The following UNC13C variants were observed in gnomAD, a reference collection of about 807,000 sequenced individuals.
The protein encoded by UNC13C is unc-13 homolog C.
A neutral mutation model predicts 245.4 loss-of-function variants in UNC13C; 174 were observed. The observed-to-expected ratio is 0.71, with a 90% confidence interval of 0.63 to 0.80. The LOEUF (loss-of-function observed/expected upper bound fraction) is 0.80. Among genes scored for constraint, UNC13C ranks in the 30% least tolerant of loss-of-function variants. The pLI, the probability that UNC13C is intolerant of heterozygous loss-of-function variation, is 0.00. For synonymous variants in UNC13C, 992 were observed against 895.1 expected (o/e 1.11, Z -1.93); for missense variants, 2,829 against 2,602.9 (o/e 1.09, Z -1.89).
intron 19 of UNC13C, among the ~76,000 whole-genome samples, chr15:54,435,509 T>C (rs1354321934): frequency 6.7e-6 from 1 of 148,338 alleles, no homozygotes; most frequent in South Asian, 2.1e-4. Context: ...TTCTCACTCA[T>C]AAGTGGGAGT....
chr15:53,936,965 G>C, the UNC13C span, among the ~76,000 whole-genome samples: 1 of 152,200 alleles, frequency 6.6e-6, no homozygotes, highest in African/African-American at 2.4e-5. Flanking sequence ...AAAAGCCATA[G>C]TGCCTCTTCT....
chr15:54,205,583 G>T (rs763591824), intron 4 of UNC13C, among the ~76,000 whole-genome samples: 6 of 151,902 alleles, frequency 3.9e-5, no homozygotes, highest in Admixed American at 6.6e-5. Context: ...ATCGATGATG[G>T]GTCAAATCCT....
At position 54,155,096 on chromosome 15, in the gene UNC13C, T is replaced by C. The variant is rs939821057; in HGVS notation, c.3071+11412T>C. Among the ~76,000 whole-genome samples, 14 of 152,166 alleles carry C rather than the reference T, an allele frequency of 9.2e-5. 1 individual carries two copies. Among genetic ancestry groups the C allele is most frequent in the Non-Finnish European group, 4.4e-5 (3 of 68,016 alleles). Reference sequence around the variant, plus strand: ...ATATAGTACCTGTATCAGTTAGACATTGCCATGTAACAAACCACTCCAAAA... The same window carrying C: ...ATATAGTACCTGTATCAGTTAGACACTGCCATGTAACAAACCACTCCAAAA... On this transcript the variant is annotated intron_variant, in intron 4 of 32. Coordinates refer to ENST00000260323, the MANE Select transcript of UNC13C (RefSeq NM_001080534.3).
At chr15:54,294,671 C>T (rs1248721714) in intron 11 of UNC13C, among the ~76,000 whole-genome samples, 1 of 152,064 alleles carries the variant, frequency 6.6e-6, no homozygotes, top group African/African-American at 2.4e-5. Context: ...ATAGAATTTT[C>T]TGTGGTGATT....
chr15:54,336,182 G>C (rs34860293), intron 16 of UNC13C, among the ~76,000 whole-genome samples: 1 of 151,726 alleles, frequency 6.6e-6, no homozygotes, highest in African/African-American at 2.4e-5. Flanking sequence ...AGATAAAATT[G>C]TATGTATTTA....
At chr15:53,931,515 G>T in the UNC13C span, among the ~76,000 whole-genome samples, 31 of 151,914 alleles carry the variant, frequency 2.0e-4, no homozygotes, top group African/African-American at 7.2e-4. Flanking sequence ...GGTGGGTGGG[G>T]TGTATGCATA....
chr15:54,389,811 C>T (rs6493679), intron 17 of UNC13C, among the ~76,000 whole-genome samples: 29,726 of 151,888 alleles, frequency 0.2, 3,098 homozygotes, highest in Middle Eastern at 0.26. Context: ...TCACTGCAAC[C>T]GCCACCTCTC....
intron 4 of UNC13C, among the ~76,000 whole-genome samples, chr15:54,157,294 T>C (rs1488635050): frequency 1.3e-5 from 2 of 152,230 alleles, no homozygotes; most frequent in Non-Finnish European, 2.9e-5. Context: ...CTTGACTCTA[T>C]TGCTTAGTAG....
the UNC13C span, among the ~76,000 whole-genome samples, chr15:53,873,460 G>A: frequency 6.6e-6 from 1 of 152,182 alleles, no homozygotes; most frequent in African/African-American, 2.4e-5. Flanking sequence ...TCATGGAGCA[G>A]CTTTGCCTTG....
At chr15:53,996,790 T>C (rs562622857) in intron 1 of UNC13C, among the ~76,000 whole-genome samples, 1 of 152,076 alleles carries the variant, frequency 6.6e-6, no homozygotes, top group African/African-American at 2.4e-5. Flanking sequence ...AGTGGTTCAT[T>C]ATTCAAATAT....
chr15:53,874,017 C>T, the UNC13C span, among the ~76,000 whole-genome samples: 1 of 150,236 alleles, frequency 6.7e-6, no homozygotes, highest in Non-Finnish European at 1.5e-5. Flanking sequence ...TACTCTGTTG[C>T]TCAGGCTGGA....
chr15:54,551,285 T>A (rs1896725591), intron 28 of UNC13C, among the ~76,000 whole-genome samples: 1 of 152,094 alleles, frequency 6.6e-6, no homozygotes, highest in South Asian at 2.1e-4. Context: ...TCAAATCTTG[T>A]AGAGAAAAAC....
At chr15:54,428,073 T>C (rs1004263296) in intron 19 of UNC13C, among the ~76,000 whole-genome samples, 1 of 151,860 alleles carries the variant, frequency 6.6e-6, no homozygotes, top group Admixed American at 6.6e-5. Flanking sequence ...TTTATTTATT[T>C]CAAGGTTGAA....
chr15:53,876,250 G>A, the UNC13C span, among the ~76,000 whole-genome samples: 1 of 152,086 alleles, frequency 6.6e-6, no homozygotes, highest in Non-Finnish European at 1.5e-5. Context: ...GGTATCTCTG[G>A]TTTTCTAATT....
chr15:54,412,387 G>A (rs1194758415), intron 18 of UNC13C, among the ~76,000 whole-genome samples: 1 of 152,092 alleles, frequency 6.6e-6, no homozygotes, highest in Non-Finnish European at 1.5e-5. Context: ...GGAGGGAACT[G>A]CCAAACGCTT....
chr15:53,964,494 A>G, the UNC13C span, among the ~76,000 whole-genome samples: 2 of 152,244 alleles, frequency 1.3e-5, no homozygotes, highest in East Asian at 3.9e-4. Flanking sequence ...GGTAGCCAAT[A>G]TTTTTCTATA....
At position 54,066,559 on chromosome 15, in the gene UNC13C, G is replaced by A. The variant is rs139255309; in HGVS notation, c.2983+50673G>A. Among the ~76,000 whole-genome samples the A allele has an allele frequency of 1.6e-4, 24 of 152,300 alleles. No individual in the cohort carries two copies. In the East Asian group the frequency reaches 3.9e-3, roughly 25 times the overall value. On this transcript the variant is annotated intron_variant, in intron 2 of 32. Transcript: ENST00000260323. ...ATTCAGCTCTCAACCCCACTGCAAG[G>A]TGGCCACAGGGCTCTAGAGAGCACT...
chr15:54,061,503 A>G (rs1308185398), intron 2 of UNC13C, among the ~76,000 whole-genome samples: 1 of 152,176 alleles, frequency 6.6e-6, no homozygotes, highest in Non-Finnish European at 1.5e-5. Context: ...GTTGGAGCAC[A>G]AAGACCAACT....
intron 19 of UNC13C, among the ~76,000 whole-genome samples, chr15:54,442,989 G>C (rs1890612862): frequency 6.6e-6 from 1 of 152,036 alleles, no homozygotes; most frequent in Non-Finnish European, 1.5e-5. Context: ...GAGGTTAATT[G>C]GTATTAATTC....
Sources: gnomAD v4.1 joint callset for allele counts (sites outside exome capture counted in the v4.1 genomes callset) on GRCh38, gnomAD v4.1.1 for gene constraint, MANE v1.5 for transcripts, NCBI Gene and HGNC (gene_info 2026-07-23, HGNC 2026-07-21) for gene names.